The following ANKRD55 variants were observed in gnomAD, a reference collection of about 807,000 sequenced individuals.
ANKRD55 encodes ankyrin repeat domain 55.
A neutral mutation model predicts 60.6 loss-of-function variants in ANKRD55; 41 were observed. The ratio of observed to expected loss-of-function variants is 0.68; its 90% CI spans 0.53 to 0.88. ANKRD55 has a LOEUF of 0.88. Ranked by LOEUF, ANKRD55 falls within the 40% of genes least tolerant of loss-of-function variation. The pLI is 0.00. For synonymous variants in ANKRD55, 264 were observed against 290.3 expected (o/e 0.91, Z 0.92); for missense variants, 732 against 767.6 (o/e 0.95, Z 0.55).
chr5:56,143,785 CA>C lies in ANKRD55; in HGVS notation c.612+15del. 4 of 1,614,138 alleles carry C rather than the reference CA, an allele frequency of 2.5e-6. No individual in the cohort carries two copies. Among genetic ancestry groups the C allele is most frequent in the Non-Finnish European group, 3.4e-6 (4 of 1,180,020 alleles). ...ACCATTTAAACCTGAGACCAGTCCA[CA>C]GGTCAATTTCTCACCTGGACTGCCC... is the stretch of plus-strand genomic sequence containing the variant. On this transcript the variant is annotated intron_variant, in intron 7 of 11. Coordinates refer to ENST00000341048, the MANE Select transcript of ANKRD55 (RefSeq NM_024669.3).
intron 5 of ANKRD55, among the ~76,000 whole-genome samples, chr5:56,160,452 G>C (rs1758299221): frequency 6.6e-6 from 1 of 152,248 alleles, no homozygotes; most frequent in East Asian, 1.9e-4. Context: ...TGTTAGCCAG[G>C]ATGGTCTGGA....
intron 2 of ANKRD55, among the ~76,000 whole-genome samples, chr5:56,195,372 T>G (rs1241190064): frequency 6.6e-6 from 1 of 152,216 alleles, no homozygotes; most frequent in Non-Finnish European, 1.5e-5. Flanking sequence ...CACAAAAGAT[T>G]TACATTTCCC....
intron 6 of ANKRD55, among the ~76,000 whole-genome samples, chr5:56,149,049 T>C (rs924181369): frequency 6.6e-6 from 1 of 152,182 alleles, no homozygotes; most frequent in Non-Finnish European, 1.5e-5. Flanking sequence ...AAAATTGGAA[T>C]TAATATGTAC....
intron 8 of ANKRD55, among the ~76,000 whole-genome samples, chr5:56,123,037 A>AT (rs1459098332): frequency 6.6e-6 from 1 of 152,048 alleles, no homozygotes; most frequent in Non-Finnish European, 1.5e-5. Flanking sequence ...AAGTGCTGGG[A>AT]TTACAGGTGT....
chr5:56,160,433 G>A (rs1167357862), intron 5 of ANKRD55, among the ~76,000 whole-genome samples: 4 of 152,126 alleles, frequency 2.6e-5, no homozygotes, highest in Non-Finnish European at 5.9e-5. Flanking sequence ...TAGAGACGGG[G>A]TTTCACCGTG....
At chr5:56,205,636 C>G (rs1188723262) in intron 2 of ANKRD55, among the ~76,000 whole-genome samples, 1 of 152,048 alleles carries the variant, frequency 6.6e-6, no homozygotes, top group Non-Finnish European at 1.5e-5. Flanking sequence ...TGTGGAGAAC[C>G]AAACAGTGAA....
At chr5:56,232,322 T>G (rs1483521929) in intron 2 of ANKRD55, among the ~76,000 whole-genome samples, 3 of 152,152 alleles carry the variant, frequency 2.0e-5, no homozygotes, top group African/African-American at 7.2e-5. Flanking sequence ...TAGGGATATG[T>G]CATTACACAA....
intron 2 of ANKRD55, among the ~76,000 whole-genome samples, chr5:56,200,614 T>C (rs1025302180): frequency 2.0e-5 from 3 of 152,174 alleles, no homozygotes; most frequent in Non-Finnish European, 2.9e-5. Flanking sequence ...CCTTGGGTTA[T>C]TATGGAGCTC....
intron 8 of ANKRD55, among the ~76,000 whole-genome samples, chr5:56,122,386 A>G (rs1757093054): frequency 6.6e-6 from 1 of 152,090 alleles, no homozygotes. Context: ...CACGGTGGCT[A>G]ACATCTAGAA....
At chr5:56,202,708 A>C (rs1415225860) in intron 2 of ANKRD55, among the ~76,000 whole-genome samples, 1 of 152,206 alleles carries the variant, frequency 6.6e-6, no homozygotes, top group African/African-American at 2.4e-5. Flanking sequence ...ATATTATCTC[A>C]AGAGTAAATA....
chr5:56,119,462 G>A (rs540958550), intron 8 of ANKRD55, among the ~76,000 whole-genome samples: 1 of 152,356 alleles, frequency 6.6e-6, no homozygotes, highest in East Asian at 1.9e-4. Flanking sequence ...GGAAGGACAT[G>A]AGTTGATGTT....
chr5:56,177,992 T>G (rs1212034737), intron 3 of ANKRD55, among the ~76,000 whole-genome samples: 1 of 152,160 alleles, frequency 6.6e-6, no homozygotes, highest in East Asian at 1.9e-4. Context: ...TCTTTTAATA[T>G]TTTACAATTA....
At chr5:56,182,545 C>A (rs1384726917) in intron 3 of ANKRD55, among the ~76,000 whole-genome samples, 1 of 152,002 alleles carries the variant, frequency 6.6e-6, no homozygotes, top group Non-Finnish European at 1.5e-5. Flanking sequence ...ATTTTAAAAT[C>A]TTTGTGAGAT....
At chr5:56,148,030 A>G (rs1401909960) in intron 6 of ANKRD55, among the ~76,000 whole-genome samples, 1 of 152,224 alleles carries the variant, frequency 6.6e-6, no homozygotes, top group Non-Finnish European at 1.5e-5. Context: ...TTAAGCTGTG[A>G]TGCACATAAA....
intron 5 of ANKRD55, among the ~76,000 whole-genome samples, chr5:56,162,283 A>G (rs1236327494): frequency 1.3e-5 from 2 of 152,106 alleles, no homozygotes; most frequent in Admixed American, 6.6e-5. Flanking sequence ...GTGTGCCTAG[A>G]TAGTTCTCTA....
chr5:56,160,961 GC>G (rs1343627987), intron 5 of ANKRD55: 1 of 152,152 alleles, frequency 6.6e-6, no homozygotes, highest in Non-Finnish European at 1.5e-5. Context: ...CCTTCTTCCT[GC>G]CTAAACTTCC....
chr5:56,167,912 A>G (rs1028350713), intron 5 of ANKRD55, among the ~76,000 whole-genome samples: 2 of 152,262 alleles, frequency 1.3e-5, no homozygotes, highest in African/African-American at 4.8e-5. Context: ...GTGATTTCAG[A>G]GAATGAACCT....
intron 2 of ANKRD55, among the ~76,000 whole-genome samples, chr5:56,229,954 G>A (rs1028119166): frequency 1.3e-5 from 2 of 152,170 alleles, no homozygotes; most frequent in African/African-American, 4.8e-5. Context: ...TGTGGAAGAG[G>A]GGTAGGTTGG....
chr5:56,216,815 A>G (rs552516199), intron 2 of ANKRD55, among the ~76,000 whole-genome samples: 2 of 152,366 alleles, frequency 1.3e-5, no homozygotes, highest in South Asian at 4.1e-4. Flanking sequence ...GTTTAAGGAG[A>G]GAAGCCATCT....
Sources: allele counts gnomAD v4.1 joint callset (sites outside exome capture counted in the v4.1 genomes callset), GRCh38; gene constraint gnomAD v4.1.1; transcripts MANE v1.5; gene names NCBI Gene and HGNC (gene_info 2026-07-23, HGNC 2026-07-21).